Variants in TENM2 observed in about 807,000 individuals in gnomAD.
TENM2 encodes teneurin-2.
In TENM2, 52 loss-of-function variants were observed where a neutral mutation model predicts 245.2. The observed-to-expected ratio is 0.21, with a 90% CI of 0.17 to 0.27. TENM2 has a LOEUF of 0.27. Among genes scored for constraint, TENM2 ranks in the 10% least tolerant of loss-of-function variants. The pLI is 1.00. For missense variants in TENM2, 3,046 were observed against 3,666.8 expected (o/e 0.83, Z 4.37); for synonymous variants, 1,363 against 1,438.9 (o/e 0.95, Z 1.19).
intron 1 of TENM2, among the ~76,000 whole-genome samples, chr5:167,289,420 C>A (rs949633066): frequency 1.3e-5 from 2 of 152,162 alleles, no homozygotes; most frequent in Admixed American, 1.3e-4. Context: ...TGAATTCTTT[C>A]TCTGTACGTC....
At chr5:167,704,055 G>A (rs977679458) in intron 2 of TENM2, among the ~76,000 whole-genome samples, 5 of 152,202 alleles carry the variant, frequency 3.3e-5, no homozygotes, top group Non-Finnish European at 7.3e-5. Flanking sequence ...TTTCTAGGTA[G>A]TTCTGAACTT....
chr5:167,331,689 T>C (rs1171965015), intron 1 of TENM2, among the ~76,000 whole-genome samples: 1 of 152,202 alleles, frequency 6.6e-6, no homozygotes, highest in Non-Finnish European at 1.5e-5. Flanking sequence ...CTTCAAGAGA[T>C]GCACCATTGA....
the TENM2 span, among the ~76,000 whole-genome samples, chr5:167,249,012 G>T: frequency 6.6e-6 from 1 of 152,088 alleles, no homozygotes; most frequent in Non-Finnish European, 1.5e-5. Flanking sequence ...GGAAATATCT[G>T]CATATCTCTG....
chr5:167,579,458 G>A (rs775048297), intron 2 of TENM2, among the ~76,000 whole-genome samples: 2 of 152,092 alleles, frequency 1.3e-5, no homozygotes, highest in South Asian at 2.1e-4. Flanking sequence ...TATTTGTTAG[G>A]CACCAACCAC....
At chr5:167,101,164 C>T in the TENM2 span, among the ~76,000 whole-genome samples, 1 of 152,196 alleles carries the variant, frequency 6.6e-6, no homozygotes, top group African/African-American at 2.4e-5. Flanking sequence ...GTGCTCCCCA[C>T]AATAAGCAAC....
chr5:167,205,825 C>T, the TENM2 span, among the ~76,000 whole-genome samples: 3 of 152,276 alleles, frequency 2.0e-5, no homozygotes, highest in Admixed American at 2.0e-4. Context: ...CTTCCAAACT[C>T]ATCCAAGTGG....
chr5:167,972,679 T>A (rs1291226855), intron 4 of TENM2, among the ~76,000 whole-genome samples: 4 of 152,048 alleles, frequency 2.6e-5, no homozygotes, highest in Non-Finnish European at 5.9e-5. Context: ...AATGTTACGA[T>A]CTCTCTTTAC....
chr5:168,260,226 C>T (rs1354299274), intron 27 of TENM2, 57 bp from the exon 30 acceptor site: 76 of 1,597,436 alleles, frequency 4.8e-5, no homozygotes, highest in Non-Finnish European at 6.3e-5. Flanking sequence ...TTAAGCTCTG[C>T]TGCTGCTCTC....
chr5:167,417,000 A>C (rs896350924), intron 2 of TENM2, among the ~76,000 whole-genome samples: 12 of 152,134 alleles, frequency 7.9e-5, no homozygotes, highest in African/African-American at 2.2e-4. Flanking sequence ...TTGTTAACTC[A>C]ATGTCAATAT....
chr5:167,972,027 A>C (rs534878621), intron 4 of TENM2, among the ~76,000 whole-genome samples: 1 of 152,348 alleles, frequency 6.6e-6, no homozygotes, highest in African/African-American at 2.4e-5. Flanking sequence ...TATCCCACAC[A>C]GAATATTTAT....
chr5:167,846,546 G>T (rs1203963777), intron 2 of TENM2, among the ~76,000 whole-genome samples: 1 of 152,214 alleles, frequency 6.6e-6, no homozygotes, highest in African/African-American at 2.4e-5. Context: ...GAATGCTCAG[G>T]TGTTGTTTCT....
chr5:167,151,881 G>T, the TENM2 span, among the ~76,000 whole-genome samples: 1 of 152,132 alleles, frequency 6.6e-6, no homozygotes, highest in Non-Finnish European at 1.5e-5. Context: ...TGCTGTGGGA[G>T]GTCAATAAAT....
At chr5:168,067,983 G>A (rs1790652385) in intron 7 of TENM2, among the ~76,000 whole-genome samples, 1 of 152,140 alleles carries the variant, frequency 6.6e-6, no homozygotes, top group South Asian at 2.1e-4. Flanking sequence ...TGTAGAGAAC[G>A]ATTGTGTGAA....
At chr5:167,138,921 C>A in the TENM2 span, among the ~76,000 whole-genome samples, 231 of 152,294 alleles carry the variant, frequency 1.5e-3, 4 homozygotes, top group Middle Eastern at 3.4e-3. Flanking sequence ...CAGCGCCTGG[C>A]CTGTTTTACT....
chr5:168,257,399 G>A (rs1354733171), intron 27 of TENM2, among the ~76,000 whole-genome samples: 2 of 152,096 alleles, frequency 1.3e-5, no homozygotes, highest in Admixed American at 6.5e-5. Flanking sequence ...CTGGGCAGAG[G>A]GCCTACCAAC....
intron 19 of TENM2, among the ~76,000 whole-genome samples, chr5:168,209,076 A>T (rs1562283430): frequency 1.3e-5 from 2 of 152,220 alleles, no homozygotes; most frequent in South Asian, 4.1e-4. Context: ...CATTATCTAT[A>T]GAAAGAACAG....
At chr5:168,178,774 C>G (rs1040360053) in intron 13 of TENM2, among the ~76,000 whole-genome samples, 1 of 152,166 alleles carries the variant, frequency 6.6e-6, no homozygotes, top group African/African-American at 2.4e-5. Context: ...CTTCCAGCCC[C>G]CTGTGAAAAA....
the TENM2 span, among the ~76,000 whole-genome samples, chr5:167,155,118 C>T: frequency 0.19 from 29,021 of 152,134 alleles, 3,361 homozygotes; most frequent in African/African-American, 0.33. Context: ...TCCAACATTA[C>T]ATTAAGGATT....
intron 2 of TENM2, among the ~76,000 whole-genome samples, chr5:167,575,281 C>T (rs774417157): frequency 6.6e-6 from 1 of 152,006 alleles, no homozygotes; most frequent in South Asian, 2.1e-4. Context: ...ATTAAAAGTA[C>T]AAAATTCAGT....
Sources: gnomAD v4.1 joint callset for allele counts (sites outside exome capture counted in the v4.1 genomes callset) on GRCh38, gnomAD v4.1.1 for gene constraint, MANE v1.5 for transcripts, NCBI Gene and HGNC (gene_info 2026-07-23, HGNC 2026-07-21) for gene names.